The following TNKS1BP1 variants were observed in gnomAD, a reference collection of about 807,000 sequenced individuals.
TNKS1BP1 encodes the protein 182 kDa tankyrase-1-binding protein.
TNKS1BP1 carries 48 observed loss-of-function variants against 141.1 expected under a neutral mutation model. The ratio of observed to expected loss-of-function variants is 0.34; its 90% CI spans 0.27 to 0.43. The LOEUF (loss-of-function observed/expected upper bound fraction) is 0.43. Among genes scored for constraint, TNKS1BP1 ranks in the 20% least tolerant of loss-of-function variants. The probability of loss-of-function intolerance (pLI) is 1.00; values close to 1 mark genes in which losing one functional copy is unlikely to be tolerated. For synonymous variants in TNKS1BP1, 875 were observed against 898.2 expected, an observed-to-expected ratio of 0.97 and a Z score of 0.46; for missense variants, 2,149 against 2,226.0, an observed-to-expected ratio of 0.97 and a Z score of 0.70.
chr11:57,316,180 C>T (rs1590592451), intron 4 of TNKS1BP1, among the ~76,000 whole-genome samples: 1 of 152,172 alleles, frequency 6.6e-6, no homozygotes, highest in Non-Finnish European at 1.5e-5. Context: ...CTGTGCTCAT[C>T]TTACTTGACC....
rs1590574243 is a variant in TNKS1BP1 at position 57,302,096 on chromosome 11, T to C, written c.4812A>G (p.Ala1604=). 6.2e-7 allele frequency: 1 copy of C among 1,613,828 alleles called. No individual in the cohort carries two copies. The highest frequency in any genetic ancestry group is 1.7e-4 in the Middle Eastern group (1 of 6,060). ...LGLSEAADSD[A]HLFQDSTEPR... is the part of the protein sequence containing the mutation. ...TACCTGTAGAGTCCTGGAACAGGTG[T>C]GCATCCGAGTCTGCTGCCTCCGACA... is the stretch of plus-strand genomic sequence containing the variant. The change falls in exon 8 of 12, where the codon GCA becomes GCG. Residue 1604 remains alanine, a synonymous_variant. Coordinates refer to ENST00000358252, the MANE Select transcript of TNKS1BP1 (RefSeq NM_033396.3). This position sits in a 1 kb window ranked among gnomAD's most constrained non-coding sequence, Gnocchi z 5.5.
chr11:57,322,730 C>T (rs990964348), intron 1 of TNKS1BP1, among the ~76,000 whole-genome samples: 1 of 152,012 alleles, frequency 6.6e-6, no homozygotes, highest in Non-Finnish European at 1.5e-5. Flanking sequence ...GCTGGGAGAA[C>T]GGGACAGGGC....
intron 10 of TNKS1BP1, 72 bp downstream of exon 10, chr11:57,300,812 G>A (rs1171185986): frequency 1.9e-6 from 3 of 1,563,724 alleles, no homozygotes; most frequent in African/African-American, 1.4e-5. Flanking sequence ...CCTCTTCTGT[G>A]AAGTGAGAGT....
intron 5 of TNKS1BP1, 131 bp downstream of exon 5, chr11:57,312,403 G>T: frequency 3.0e-6 from 3 of 1,014,848 alleles, no homozygotes; most frequent in Non-Finnish European, 4.0e-6. Flanking sequence ...ACAATCTGCA[G>T]GTCCACAGCT....
chr11:57,302,949 T>C lies in TNKS1BP1; in HGVS notation c.4317-124A>G. 1.6e-6 allele frequency: 2 copies of C among 1,228,920 alleles called. No individual in the cohort carries two copies. Among genetic ancestry groups the C allele is most frequent in the Non-Finnish European group, 2.2e-6 (2 of 922,220 alleles). The allele number at this position is 1,228,920 out of a possible 1,614,324, so 76.1% of individuals were successfully genotyped here. A position where few individuals can be genotyped will look rare whatever the true frequency, so the allele number is the denominator to read the frequency against. On this transcript the variant is annotated intron_variant, in intron 6 of 11. Coordinates refer to ENST00000358252, the MANE Select transcript of TNKS1BP1 (RefSeq NM_033396.3). The surrounding 1 kb of genome is among the most constrained non-coding windows in gnomAD (Gnocchi z 5.5). ...CCCTTGCCCTCCTTCCCATGCTTTT[T>C]CCAGACTCCAAGGACACGGTCAGGG...
In TNKS1BP1 at chr11:57,309,574, CTCTGG is replaced by C. The variant is rs1225954476; in HGVS notation, c.3132_3136del (p.Asp1044GlufsTer7). ...GCTAGCATCACTGTTTTGCCAGCTG[CTCTGG>C]TCTCTCTGCCCGAGTGCCCCATCCG... On this transcript the variant is annotated frameshift_variant, in exon 6 of 12. Coordinates refer to ENST00000358252, the MANE Select transcript of TNKS1BP1 (RefSeq NM_033396.3). LOFTEE classifies it high-confidence loss of function. The surrounding 1 kb of genome is among the most constrained non-coding windows in gnomAD (Gnocchi z 4.3). The C allele has an allele frequency of 6.2e-7, 1 of 1,613,326 alleles. No individual in the cohort carries two copies.
intron 6 of TNKS1BP1, 22 bp downstream of exon 6, chr11:57,308,373 G>C (rs781220242): frequency 2.3e-5 from 36 of 1,592,134 alleles, no homozygotes; most frequent in Non-Finnish European, 1.8e-5. Flanking sequence ...TCCCACACTT[G>C]GGATGGGGCT....
intron 1 of TNKS1BP1, 61 bp downstream of exon 1, chr11:57,324,779 C>T (rs1375338326): frequency 1.0e-5 from 10 of 984,990 alleles, no homozygotes; most frequent in Non-Finnish European, 1.2e-5. Context: ...CTTCCATGCC[C>T]CTCCCCCGCC....
At chr11:57,301,105 A>G in intron 9 of TNKS1BP1, 64 bp from the exon 10 acceptor site, 4 of 1,480,362 alleles carry the variant, frequency 2.7e-6, no homozygotes, top group Non-Finnish European at 3.6e-6. Context: ...CTCAGGGGGT[A>G]AGACCTTATC....
intron 11 of TNKS1BP1, 86 bp downstream of exon 11, chr11:57,300,442 T>G (rs1032390419): frequency 1.4e-5 from 18 of 1,255,302 alleles, no homozygotes; most frequent in Non-Finnish European, 2.0e-5. Context: ...GGGTGGGAGC[T>G]AAGGGACAGA....
intron 5 of TNKS1BP1, chr11:57,311,103 C>T: frequency 2.1e-6 from 1 of 472,818 alleles, no homozygotes; most frequent in Non-Finnish European, 2.8e-6. Context: ...GTGCCGTCTG[C>T]TCAATCTTCC....
intron 3 of TNKS1BP1, among the ~76,000 whole-genome samples, chr11:57,318,358 G>C (rs1855828804): frequency 6.6e-6 from 1 of 152,230 alleles, no homozygotes; most frequent in African/African-American, 2.4e-5. Context: ...TTGGAGTGAG[G>C]GAGAGAAGGA....
chr11:57,301,552 T>C (rs763598460), intron 9 of TNKS1BP1, among the ~76,000 whole-genome samples: 9 of 152,208 alleles, frequency 5.9e-5, no homozygotes, highest in Non-Finnish European at 1.2e-4. Flanking sequence ...ATTATGGGCA[T>C]CATGTCTCCC....
intron 5 of TNKS1BP1, chr11:57,311,618 C>T (rs983949361): frequency 1.6e-5 from 4 of 257,772 alleles, no homozygotes; most frequent in Admixed American, 6.5e-5. Context: ...TCCTTCTCCC[C>T]GCCCCGCAGC....
intron 9 of TNKS1BP1, 118 bp from the exon 10 acceptor site, chr11:57,301,159 A>G: frequency 1.8e-6 from 2 of 1,107,228 alleles, no homozygotes; most frequent in Non-Finnish European, 1.2e-6. Context: ...ACCCCTCTGC[A>G]GTCCTTTCAC....
chr11:57,317,551 G>C (rs1217120430), intron 4 of TNKS1BP1, among the ~76,000 whole-genome samples: 4 of 152,358 alleles, frequency 2.6e-5, no homozygotes, highest in African/African-American at 7.2e-5. Context: ...GCACATAGTA[G>C]GGACTTAATC....
intron 3 of TNKS1BP1, among the ~76,000 whole-genome samples, chr11:57,319,200 C>T (rs1855844035): frequency 1.3e-5 from 2 of 151,772 alleles, no homozygotes; most frequent in African/African-American, 4.8e-5. Flanking sequence ...CATCAGATTC[C>T]ACCTCACAGG....
Position 57,302,008 on chromosome 11 carries a change from C to A in TNKS1BP1, c.4835-65G>T. The A allele has an allele frequency of 6.2e-7, 1 of 1,604,888 alleles. No homozygotes were observed. Among genetic ancestry groups the A allele is most frequent in the African/African-American group, 1.3e-5 (1 of 74,814 alleles). ...ACCCAGACTCCCCGAACCCATAACC[C>A]CTGCAAAAGCTTGGCCTAATGCCCT... On this transcript the variant is annotated intron_variant, in intron 8 of 11. Transcript: ENST00000358252. The surrounding 1 kb of genome is among the most constrained non-coding windows in gnomAD (Gnocchi z 5.5).
At chr11:57,320,846 CCACCTCTTCCATGAAGCCTTCCTTG>C (rs1166823989) in intron 2 of TNKS1BP1, 134 bp from the exon 3 acceptor site, 2 of 1,048,146 alleles carry the variant, frequency 1.9e-6, no homozygotes, top group African/African-American at 3.2e-5. Context: ...AAGTCATATG[CCACCTCTTCCATGAAGCCTTCCTTG>C]ATTTTCTACA....
Sources: allele counts gnomAD v4.1 joint callset (sites outside exome capture counted in the v4.1 genomes callset), GRCh38; gene constraint gnomAD v4.1.1; non-coding constraint Gnocchi (gnomAD v3.1); transcripts MANE v1.5; gene names NCBI Gene and HGNC (gene_info 2026-07-23, HGNC 2026-07-21).